Variants in SYT1 observed in about 807,000 individuals in gnomAD.
The protein encoded by SYT1 is synaptotagmin-1.
A neutral mutation model predicts 44.8 loss-of-function variants in SYT1; 8 were observed. The ratio of observed to expected loss-of-function variants is 0.18; its 90% CI spans 0.10 to 0.32. The LOEUF (loss-of-function observed/expected upper bound fraction) is 0.32. SYT1 is among the 10% of genes least tolerant of loss of function. The pLI is 1.00. For missense variants in SYT1, 286 were observed against 509.3 expected, an observed-to-expected ratio of 0.56 and a Z score of 4.22; for synonymous variants, 154 against 188.8, an observed-to-expected ratio of 0.82 and a Z score of 1.51.
chr12:78,923,689 CTT>C (rs1283123633), intron 1 of SYT1, among the ~76,000 whole-genome samples: 1 of 148,626 alleles, frequency 6.7e-6, no homozygotes, highest in Non-Finnish European at 1.5e-5. Flanking sequence ...CCCCCCCTTT[CTT>C]TCTCTCTCTC....
At chr12:79,280,087 A>C (rs1878966804) in intron 4 of SYT1, among the ~76,000 whole-genome samples, 2 of 152,064 alleles carry the variant, frequency 1.3e-5, no homozygotes, top group South Asian at 4.1e-4. Context: ...CTTCGGACTC[A>C]ATATAATTAC....
intron 9 of SYT1, among the ~76,000 whole-genome samples, chr12:79,429,702 T>C (rs1217965432): frequency 6.6e-6 from 1 of 152,150 alleles, no homozygotes. Context: ...CTAATTTTTT[T>C]GTACTTTTAG....
intron 8 of SYT1, among the ~76,000 whole-genome samples, chr12:79,320,150 T>C (rs1213416644): frequency 6.6e-6 from 1 of 152,152 alleles, no homozygotes; most frequent in Non-Finnish European, 1.5e-5. Flanking sequence ...ATTTAAAACT[T>C]TTTAAAGAAT....
At chr12:78,934,495 C>A (rs1877941675) in intron 1 of SYT1, among the ~76,000 whole-genome samples, 1 of 152,088 alleles carries the variant, frequency 6.6e-6, no homozygotes, top group Admixed American at 6.6e-5. Context: ...CATGATTGTG[C>A]CATTGCACTT....
At chr12:79,226,503 G>C (rs1033782289) in intron 4 of SYT1, among the ~76,000 whole-genome samples, 21 of 152,086 alleles carry the variant, frequency 1.4e-4, no homozygotes, top group African/African-American at 4.8e-4. Flanking sequence ...ATGGAGATTT[G>C]CCTTTGACCA....
chr12:79,421,811 A>G (rs1869140998), intron 9 of SYT1, among the ~76,000 whole-genome samples: 1 of 151,906 alleles, frequency 6.6e-6, no homozygotes, highest in Non-Finnish European at 1.5e-5. Context: ...GTAAGTATTC[A>G]ATCAGGGCTG....
At chr12:78,997,055 G>T (rs1013491663) in intron 2 of SYT1, among the ~76,000 whole-genome samples, 29 of 152,224 alleles carry the variant, frequency 1.9e-4, no homozygotes, top group African/African-American at 9.6e-5. Flanking sequence ...AGCAGCAGGA[G>T]TATGGTCTCC....
chr12:79,269,866 G>T (rs1284645215), intron 4 of SYT1, among the ~76,000 whole-genome samples: 2 of 152,116 alleles, frequency 1.3e-5, no homozygotes, highest in Non-Finnish European at 2.9e-5. Context: ...GGTAGTCTTT[G>T]AAGCCATTTT....
intron 1 of SYT1, among the ~76,000 whole-genome samples, chr12:78,884,822 A>T (rs1222124491): frequency 6.6e-6 from 1 of 151,852 alleles, no homozygotes; most frequent in Admixed American, 6.6e-5. Flanking sequence ...AAAATATGGA[A>T]TCTGTCTGAA....
rs368779585 is a variant in SYT1 at position 79,233,012 on chromosome 12, G to A, written c.166+15327G>A. Among the ~76,000 whole-genome samples the A allele has an allele frequency of 6.6e-5, 10 of 151,320 alleles. No homozygotes were observed. In the East Asian group the frequency reaches 1.6e-3, roughly 24 times the overall value. ...TTTTATTTCTTTTCTCCCTTTCCTC[G>A]ACCTTTCTTTAACATTATCATCTTC... On this transcript the variant is annotated intron_variant, in intron 4 of 10. Transcript: ENST00000261205.
At chr12:79,045,929 G>C (rs1874017009) in intron 2 of SYT1, 1 of 152,054 alleles carries the variant, frequency 6.6e-6, no homozygotes, top group Admixed American at 6.6e-5. Flanking sequence ...TTTCTTGTAA[G>C]AAGCTCTGTG....
At chr12:78,876,762 AT>A (rs1874119600) in intron 1 of SYT1, among the ~76,000 whole-genome samples, 9 of 90,748 alleles carry the variant, frequency 9.9e-5, no homozygotes, top group African/African-American at 2.9e-4. Context: ...TATATTATAT[AT>A]ATTATATATT....
chr12:79,346,060 C>G (rs555543490), intron 8 of SYT1, among the ~76,000 whole-genome samples: 1 of 152,218 alleles, frequency 6.6e-6, no homozygotes, highest in East Asian at 1.9e-4. Context: ...GAAAAACTCA[C>G]TCAAGAGTAC....
At chr12:79,151,003 G>T (rs1338770237) in intron 3 of SYT1, among the ~76,000 whole-genome samples, 1 of 152,140 alleles carries the variant, frequency 6.6e-6, no homozygotes, top group African/African-American at 2.4e-5. Context: ...GCGACTCCTC[G>T]AGATAAGAAA....
At chr12:79,276,642 C>G (rs1306738190) in intron 4 of SYT1, among the ~76,000 whole-genome samples, 1 of 150,306 alleles carries the variant, frequency 6.7e-6, no homozygotes, top group Non-Finnish European at 1.5e-5. Context: ...CGCCACTGCA[C>G]TCTAGCCTGG....
chr12:79,146,678 A>G (rs1302271172), intron 3 of SYT1, among the ~76,000 whole-genome samples: 1 of 152,194 alleles, frequency 6.6e-6, no homozygotes, highest in Non-Finnish European at 1.5e-5. Flanking sequence ...AAAATAATAA[A>G]CTTTAAAACA....
chr12:78,970,056 G>A (rs1469097723), intron 1 of SYT1, among the ~76,000 whole-genome samples: 1 of 152,228 alleles, frequency 6.6e-6, no homozygotes, highest in Admixed American at 6.5e-5. Flanking sequence ...CAGTATCTAA[G>A]TATAAAGTGG....
chr12:79,268,559 T>A (rs965006464), intron 4 of SYT1, among the ~76,000 whole-genome samples: 1 of 152,236 alleles, frequency 6.6e-6, no homozygotes, highest in Non-Finnish European at 1.5e-5. Context: ...TAGATTACTG[T>A]TAACCACAAT....
rs548347157 is a variant in SYT1, at chr12:79,105,887, GA to G, written c.-18+58539del. ...AGAGCTAGACTCCGTCTCAAGAAAAGAAAAAAAAAAAAAAGGCAATTTAATT... is the reference window on the plus strand; with the variant it reads ...AGAGCTAGACTCCGTCTCAAGAAAAGAAAAAAAAAAAAAGGCAATTTAATT... On this transcript the variant is annotated intron_variant, in intron 3 of 10. Coordinates refer to ENST00000261205, the MANE Select transcript of SYT1 (RefSeq NM_005639.3). Among the ~76,000 whole-genome samples, 581 of 96,382 alleles carry G rather than the reference GA, an allele frequency of 6.0e-3. 3 individuals carry two copies. The highest frequency in any genetic ancestry group is 0.033 in the South Asian group (103 of 3,106). The allele number at this position is 96,382 out of a possible 152,430, so 63.2% of individuals were successfully genotyped here.
Sources: allele counts gnomAD v4.1 joint callset (sites outside exome capture counted in the v4.1 genomes callset), GRCh38; gene constraint gnomAD v4.1.1; transcripts MANE v1.5; gene names NCBI Gene and HGNC (gene_info 2026-07-23, HGNC 2026-07-21).